DPP6: variants seen among roughly 807,000 people sequenced by gnomAD.
DPP6 encodes the protein dipeptidyl peptidase like 6, also known as A-type potassium channel modulatory protein DPP6.
Under a neutral mutation model 122.6 loss-of-function variants are expected in DPP6, and 69 were observed. The ratio of observed to expected loss-of-function variants is 0.56; its 90% CI spans 0.46 to 0.69. DPP6 has a LOEUF of 0.69. Ranked by LOEUF, DPP6 falls within the 30% of genes least tolerant of loss-of-function variation. DPP6 has a pLI of 0.00. For synonymous variants in DPP6, 418 were observed against 433.1 expected, an observed-to-expected ratio of 0.97 and a Z score of 0.43; for missense variants, 928 against 1,116.9, an observed-to-expected ratio of 0.83 and a Z score of 2.41.
chr7:154,380,609 G>A (rs1586109666), intron 1 of DPP6, among the ~76,000 whole-genome samples: 1 of 152,220 alleles, frequency 6.6e-6, no homozygotes. Flanking sequence ...CTCTGCTAGA[G>A]CATCCTTCTC....
intron 1 of DPP6, among the ~76,000 whole-genome samples, chr7:154,163,893 A>C (rs1797103469): frequency 6.6e-6 from 1 of 152,154 alleles, no homozygotes; most frequent in Admixed American, 6.5e-5. Context: ...TCTTCCTGCC[A>C]GCTGTCCTCA....
intron 1 of DPP6, among the ~76,000 whole-genome samples, chr7:154,111,246 G>A (rs1330703951): frequency 6.6e-6 from 1 of 152,196 alleles, no homozygotes; most frequent in Admixed American, 6.5e-5. Context: ...AAACTGCCAG[G>A]ATTCCAGTGA....
rs77640737 is a variant in DPP6, at chr7:154,240,144, T to C, written c.243+187081T>C. Among the ~76,000 whole-genome samples, 1,087 of 152,114 alleles carry C rather than the reference T, an allele frequency of 7.1e-3. 5 individuals are homozygous for C. The highest frequency in any genetic ancestry group is 0.024 in the African/African-American group (1,013 of 41,508). Reference sequence around the variant, plus strand: ...ATGAATTTTGTAAAATTGTTCAGAGTTGTAATTATTATCTTTGTTGTAGGT... The same window carrying C: ...ATGAATTTTGTAAAATTGTTCAGAGCTGTAATTATTATCTTTGTTGTAGGT... On this transcript the variant is annotated intron_variant, in intron 1 of 25. Coordinates refer to ENST00000377770, the MANE Select transcript of DPP6 (RefSeq NM_130797.4).
chr7:154,537,226 A>G (rs1220241498), intron 3 of DPP6, among the ~76,000 whole-genome samples: 1 of 152,220 alleles, frequency 6.6e-6, no homozygotes, highest in Admixed American at 6.5e-5. Context: ...TTCCAACAGA[A>G]AAAAGTGGGC....
At chr7:153,803,461 C>T in the DPP6 span, among the ~76,000 whole-genome samples, 3 of 151,952 alleles carry the variant, frequency 2.0e-5, no homozygotes. Flanking sequence ...CTGCCCCTGC[C>T]TACCTGCCTG....
intron 1 of DPP6, among the ~76,000 whole-genome samples, chr7:154,201,497 C>T (rs913620236): frequency 1.3e-5 from 2 of 152,162 alleles, no homozygotes; most frequent in African/African-American, 2.4e-5. Flanking sequence ...AAGGCTTATG[C>T]CTACCTAAAA....
At chr7:154,272,892 A>C (rs188384131) in intron 1 of DPP6, among the ~76,000 whole-genome samples, 2 of 152,250 alleles carry the variant, frequency 1.3e-5, no homozygotes, top group Non-Finnish European at 2.9e-5. Flanking sequence ...ACATCTGTGG[A>C]GTTTCCTGTT....
chr7:154,573,095 GA>G (rs2130582737), intron 5 of DPP6, among the ~76,000 whole-genome samples: 1 of 152,226 alleles, frequency 6.6e-6, no homozygotes, highest in South Asian at 2.1e-4. Flanking sequence ...CTTCGTCCAG[GA>G]GTGGCTAAGG....
At chr7:154,474,249 C>G in intron 2 of DPP6, among the ~76,000 whole-genome samples, 1 of 152,288 alleles carries the variant, frequency 6.6e-6, no homozygotes, top group Non-Finnish European at 1.5e-5. Flanking sequence ...AGGATAAAAG[C>G]TCTCAGATTT....
intron 14 of DPP6, among the ~76,000 whole-genome samples, chr7:154,804,277 C>G (rs1798560409): frequency 6.6e-6 from 1 of 152,226 alleles, no homozygotes; most frequent in Non-Finnish European, 1.5e-5. Flanking sequence ...AAGTGCTTTA[C>G]AGACATTATC....
intron 1 of DPP6, among the ~76,000 whole-genome samples, chr7:153,966,298 C>T (rs959713257): frequency 1.3e-5 from 2 of 151,412 alleles, no homozygotes; most frequent in East Asian, 1.9e-4. Flanking sequence ...CATGTTTGTG[C>T]ATGTGTTCAT....
intron 5 of DPP6, among the ~76,000 whole-genome samples, chr7:154,616,475 A>C (rs1834264159): frequency 6.6e-6 from 1 of 152,104 alleles, no homozygotes; most frequent in Non-Finnish European, 1.5e-5. Context: ...AATCAAAAAC[A>C]ATACTGAGAG....
At chr7:154,653,188 G>T (rs566711529) in intron 6 of DPP6, among the ~76,000 whole-genome samples, 2 of 152,308 alleles carry the variant, frequency 1.3e-5, no homozygotes, top group Admixed American at 6.5e-5. Flanking sequence ...TAAGGTAAAA[G>T]CTTTAAGAAG....
chr7:154,842,067 G>A (rs1285851522), intron 16 of DPP6, among the ~76,000 whole-genome samples: 1 of 152,200 alleles, frequency 6.6e-6, no homozygotes, highest in Admixed American at 6.5e-5. Context: ...TCACCTCAAT[G>A]TATAAACTTT....
intron 1 of DPP6, among the ~76,000 whole-genome samples, chr7:153,991,974 G>T (rs1430224819): frequency 6.6e-6 from 1 of 152,060 alleles, no homozygotes; most frequent in African/African-American, 2.4e-5. Flanking sequence ...CGAAGTGCTG[G>T]CATCTGGCAA....
intron 1 of DPP6, among the ~76,000 whole-genome samples, chr7:153,908,167 G>A (rs1209887873): frequency 6.6e-6 from 1 of 150,962 alleles, no homozygotes; most frequent in Non-Finnish European, 1.5e-5. Flanking sequence ...ATCACCACTT[G>A]TGCAAGGTAC....
intron 1 of DPP6, among the ~76,000 whole-genome samples, chr7:154,322,388 T>G (rs1174799317): frequency 6.6e-6 from 1 of 152,208 alleles, no homozygotes; most frequent in African/African-American, 2.4e-5. Flanking sequence ...GACCCCACCA[T>G]GCTCTGACAC....
chr7:154,358,195 T>C (rs1811433615), intron 1 of DPP6, among the ~76,000 whole-genome samples: 1 of 152,202 alleles, frequency 6.6e-6, no homozygotes, highest in Admixed American at 6.5e-5. Flanking sequence ...ATAGTTATAC[T>C]GTGAGGTATA....
intron 10 of DPP6, among the ~76,000 whole-genome samples, chr7:154,777,563 C>T (rs1796659747): frequency 6.6e-6 from 1 of 152,182 alleles, no homozygotes; most frequent in African/African-American, 2.4e-5. Flanking sequence ...ACTGATAAAA[C>T]AAATGCGCTT....
Sources: gnomAD v4.1 joint callset for allele counts (sites outside exome capture counted in the v4.1 genomes callset) on GRCh38, gnomAD v4.1.1 for gene constraint, MANE v1.5 for transcripts, NCBI Gene and HGNC (gene_info 2026-07-23, HGNC 2026-07-21) for gene names.